CCDC13: variants seen among roughly 807,000 people sequenced by gnomAD.
CCDC13 encodes the protein coiled-coil domain-containing protein 13.
CCDC13 carries 70 observed loss-of-function variants against 87.3 expected under a neutral mutation model. The observed-to-expected ratio is 0.80, with a 90% CI of 0.66 to 0.98. The LOEUF is 0.98. Ranked by LOEUF, CCDC13 falls within the 50% of genes least tolerant of loss-of-function variation. CCDC13 has a pLI of 0.00. For missense variants in CCDC13, 842 were observed against 892.0 expected (o/e 0.94, Z 0.71); for synonymous variants, 317 against 360.3 (o/e 0.88, Z 1.36).
Position 42,735,774 on chromosome 3 carries a change from G to A in CCDC13, c.1304C>T (p.Ala435Val). 7 of 1,614,228 alleles carry A rather than the reference G, an allele frequency of 4.3e-6. No homozygotes were observed. The highest frequency in any genetic ancestry group is 5.9e-6 in the Non-Finnish European group (7 of 1,180,038). The change falls in exon 10 of 16, where the codon GCC becomes GTC. Residue 435 changes from alanine to valine, a missense_variant. Ala to Val is a moderately conservative substitution (Grantham distance 64). Coordinates refer to ENST00000310232, the MANE Select transcript of CCDC13 (RefSeq NM_144719.4). The stretch of plus-strand genomic sequence containing the variant: ...TTTGGCCTCCCGCTCAGCTACCATG[G>A]CCTGCAGCTGGGCGACTAGGCTGTT... ...RSNSLVAQLQ[A>V]MVAEREAKVR...
At chr3:42,716,604 C>T (rs1167719408) in intron 13 of CCDC13, among the ~76,000 whole-genome samples, 2 of 152,176 alleles carry the variant, frequency 1.3e-5, no homozygotes, top group African/African-American at 4.8e-5. Flanking sequence ...ACATCATTAG[C>T]CATTAGGGAA....
intron 1 of CCDC13, among the ~76,000 whole-genome samples, chr3:42,762,006 C>T (rs915798843): frequency 2.0e-5 from 3 of 152,226 alleles, no homozygotes; most frequent in African/African-American, 4.8e-5. Flanking sequence ...GTCCCAGAGC[C>T]TGTACCCAGT....
At chr3:42,746,809 T>C (rs1467606005) in intron 6 of CCDC13, 13 of 230,574 alleles carry the variant, frequency 5.6e-5, no homozygotes, top group Non-Finnish European at 9.6e-5. Context: ...GAAAGGGTCC[T>C]TTAATACACA....
rs776146571 is a variant in CCDC13 at position 42,708,951 on chromosome 3, C to T, written c.*29G>A. 3.1e-6 allele frequency: 5 copies of T among 1,593,142 alleles called. No individual in the cohort carries two copies. In the South Asian group the frequency reaches 4.6e-5, roughly 15 times the overall value. ...TCCTCTCAAGACCTGAGGCTGCCCA[C>T]CCGGCCAGGCCGACACTGGGCTGTC... On this transcript the variant is annotated 3_prime_UTR_variant, in exon 16 of 16. Coordinates refer to ENST00000310232, the MANE Select transcript of CCDC13 (RefSeq NM_144719.4).
intron 13 of CCDC13, among the ~76,000 whole-genome samples, chr3:42,721,072 G>A (rs530819772): frequency 3.7e-4 from 56 of 152,214 alleles, no homozygotes; most frequent in African/African-American, 6.0e-4. Flanking sequence ...TTTGGCTTTC[G>A]TCAGGCTATA....
At chr3:42,763,433 G>A (rs34648075) in intron 1 of CCDC13, among the ~76,000 whole-genome samples, 28,283 of 151,246 alleles carry the variant, frequency 0.19, 2,728 homozygotes, top group South Asian at 0.27. Flanking sequence ...TCAAAGAATT[G>A]TAGTTTCAAT....
intron 3 of CCDC13, among the ~76,000 whole-genome samples, chr3:42,753,182 G>A (rs927598425): frequency 1.3e-5 from 2 of 152,142 alleles, no homozygotes; most frequent in African/African-American, 2.4e-5. Flanking sequence ...AAAAGCACTC[G>A]TGCAGTTAAA....
intron 1 of CCDC13, among the ~76,000 whole-genome samples, chr3:42,769,820 G>A (rs1230038125): frequency 3.9e-5 from 6 of 152,224 alleles, no homozygotes; most frequent in Non-Finnish European, 5.9e-5. Context: ...CCGGCTGGCC[G>A]CAAGCCCCTG....
In CCDC13 at chr3:42,709,005, C is replaced by G. The variant is rs769257896; in HGVS notation, c.2123G>C (p.Arg708Pro). The G allele has an allele frequency of 6.2e-7, 1 of 1,613,104 alleles. No individual in the cohort carries two copies. Among genetic ancestry groups the G allele is most frequent in the Non-Finnish European group, 8.5e-7 (1 of 1,179,580 alleles). The change falls in exon 16 of 16, where the codon CGG becomes CCG. Residue 708 changes from arginine to proline, a missense_variant. Coordinates refer to ENST00000310232, the MANE Select transcript of CCDC13 (RefSeq NM_144719.4). ...QVKSVFLQAL[R>P]QQKTGKQ The stretch of plus-strand genomic sequence containing the variant: ...CTATTGCTTGCCTGTCTTCTGCTGC[C>G]GCAGGGCCTGCAGGAAGACACTTTT...
chr3:42,704,910 A>G (rs1055857167), downstream of CCDC13: 1 of 152,158 alleles, frequency 6.6e-6, no homozygotes, highest in African/African-American at 2.4e-5. Flanking sequence ...CAATTTTCAG[A>G]CTTTTTTTGT....
intron 5 of CCDC13, chr3:42,749,933 C>A: frequency 2.2e-6 from 1 of 456,654 alleles, no homozygotes; most frequent in South Asian, 1.5e-5. Flanking sequence ...TGGAGTGTGG[C>A]TCGGGCTTGG....
rs1285479813 is a variant in CCDC13, at chr3:42,708,692, C to T, written c.*288G>A. On this transcript the variant is annotated 3_prime_UTR_variant, in exon 16 of 16. Coordinates refer to ENST00000310232, the MANE Select transcript of CCDC13 (RefSeq NM_144719.4). ...GGGACTGCATCTGTCCATTCACAGC[C>T]GCCTTGCCATCCCAGAGCTCTCGCC... 1.5e-5 allele frequency: 5 copies of T among 332,164 alleles called. No homozygotes were observed. Among genetic ancestry groups the T allele is most frequent in the Non-Finnish European group, 2.7e-5 (5 of 184,260 alleles). 20.6% of individuals were successfully genotyped at this position (332,164 alleles called of 1,614,324 possible).
intron 8 of CCDC13, chr3:42,741,092 G>A (rs529569414): frequency 6.6e-6 from 1 of 152,256 alleles, no homozygotes; most frequent in South Asian, 2.1e-4. Flanking sequence ...TAACATGTAA[G>A]TTCAAGCTAG....
Position 42,747,347 on chromosome 3 carries a change from C to A in CCDC13, c.630G>T (p.Leu210=). Residue 210 remains leucine, a synonymous_variant, in exon 6 of 16, where the codon CTG becomes CTT. Transcript: ENST00000310232. ...ALLETPEVKA[L]QDRLVATNLK... is the part of the protein sequence containing the mutation. The stretch of plus-strand genomic sequence containing the variant: ...AGTTGGTGGCCACCAGCCTGTCCTG[C>A]AGGGCCTTCACCTCTGGGGTCTCCA... The A allele has an allele frequency of 6.2e-7, 1 of 1,614,062 alleles. No individual in the cohort carries two copies. The highest frequency in any genetic ancestry group is 8.5e-7 in the Non-Finnish European group (1 of 1,179,986).
intron 9 of CCDC13, among the ~76,000 whole-genome samples, chr3:42,736,619 G>T (rs1699028679): frequency 6.6e-6 from 1 of 152,182 alleles, no homozygotes; most frequent in Non-Finnish European, 1.5e-5. Flanking sequence ...CAGAGGGGAT[G>T]CGACTGGCCT....
intron 14 of CCDC13, among the ~76,000 whole-genome samples, chr3:42,712,862 A>G (rs991055972): frequency 6.6e-6 from 1 of 152,184 alleles, no homozygotes; most frequent in East Asian, 1.9e-4. Context: ...AAGTCAGCTT[A>G]GGATAGAGGG....
intron 13 of CCDC13, among the ~76,000 whole-genome samples, chr3:42,716,487 T>C (rs973743287): frequency 6.6e-6 from 1 of 152,150 alleles, no homozygotes; most frequent in African/African-American, 2.4e-5. Flanking sequence ...AAAGAGCTAC[T>C]ACAACTCAAC....
In CCDC13 at chr3:42,747,335, C is replaced by T. The variant is rs755394794; in HGVS notation, c.642G>A (p.Leu214=). Residue 214 remains leucine, a synonymous_variant, in exon 6 of 16, where the codon CTG becomes CTA. Transcript: ENST00000310232. ...CACTCATCTTCAAGTTGGTGGCCAC[C>T]AGCCTGTCCTGCAGGGCCTTCACCT... ...TPEVKALQDR[L]VATNLKMSDL... is the part of the protein sequence containing the mutation. The T allele has an allele frequency of 1.9e-6, 3 of 1,614,110 alleles. No homozygotes were observed. The South Asian group carries it at 3.3e-5, about 18-fold the overall frequency.
At chr3:42,769,603 A>G (rs1425974343) in intron 1 of CCDC13, among the ~76,000 whole-genome samples, 1 of 152,196 alleles carries the variant, frequency 6.6e-6, no homozygotes, top group Non-Finnish European at 1.5e-5. Flanking sequence ...CTTGGCGCCC[A>G]CTCTGGCGGT....
Sources: allele counts gnomAD v4.1 joint callset (sites outside exome capture counted in the v4.1 genomes callset), GRCh38; gene constraint gnomAD v4.1.1; transcripts MANE v1.5; gene names NCBI Gene and HGNC (gene_info 2026-07-23, HGNC 2026-07-21).